Variants in VIPR2 observed in about 807,000 individuals in gnomAD.
VIPR2 encodes vasoactive intestinal peptide receptor 2.
VIPR2 carries 48 observed loss-of-function variants against 58.0 expected under a neutral mutation model. That is an observed-to-expected ratio of 0.83 (90% CI 0.66 to 1.05). The LOEUF (loss-of-function observed/expected upper bound fraction) is 1.05. VIPR2 is among the 50% of genes least tolerant of loss of function. The pLI, the probability that VIPR2 is intolerant of heterozygous loss-of-function variation, is 0.00. For synonymous variants in VIPR2, 243 were observed against 235.2 expected, an observed-to-expected ratio of 1.03 and a Z score of -0.30; for missense variants, 534 against 558.0, an observed-to-expected ratio of 0.96 and a Z score of 0.43.
In VIPR2 at chr7:159,098,306, G is replaced by A. The variant is rs915437967; in HGVS notation, c.357+5451C>T. On this transcript the variant is annotated intron_variant, in intron 4 of 12. Coordinates refer to ENST00000262178, the MANE Select transcript of VIPR2 (RefSeq NM_003382.5). This position sits in a 1 kb window ranked among gnomAD's most constrained non-coding sequence, Gnocchi z 5.2. ...GCTGGTGGTGGTGCTCGAGAACTGT[G>A]GCTTACAGTGCGGGTGGGCAAGCGG... Among the ~76,000 whole-genome samples, 7 of 152,166 alleles carry A rather than the reference G, an allele frequency of 4.6e-5. No individual in the cohort carries two copies. The highest frequency in any genetic ancestry group is 1.0e-4 in the Non-Finnish European group (7 of 68,016).
intron 4 of VIPR2, among the ~76,000 whole-genome samples, chr7:159,080,715 AC>A (rs1332103820): frequency 1.3e-5 from 2 of 152,016 alleles, no homozygotes; most frequent in African/African-American, 4.8e-5. Context: ...TATCTAGAAA[AC>A]CCCATTGTCT....
At chr7:159,139,610 T>C (rs1163224108) in intron 2 of VIPR2, among the ~76,000 whole-genome samples, 2 of 152,248 alleles carry the variant, frequency 1.3e-5, no homozygotes, top group African/African-American at 2.4e-5. Flanking sequence ...AGTTAGTTTT[T>C]AAGCCTAGCA....
At chr7:159,038,908 A>AT (rs1327733397) in intron 6 of VIPR2, among the ~76,000 whole-genome samples, 1 of 152,240 alleles carries the variant, frequency 6.6e-6, no homozygotes, top group African/African-American at 2.4e-5. Context: ...CAAATGTTTA[A>AT]TTTTTATGAC....
intron 5 of VIPR2, among the ~76,000 whole-genome samples, chr7:159,049,330 C>A (rs936294972): frequency 6.6e-6 from 1 of 152,196 alleles, no homozygotes; most frequent in Non-Finnish European, 1.5e-5. Flanking sequence ...TCAGGGTGAT[C>A]CTAAAAAGCA....
intron 2 of VIPR2, among the ~76,000 whole-genome samples, chr7:159,118,003 AAGC>A (rs1256246943): frequency 6.6e-6 from 1 of 152,112 alleles, no homozygotes; most frequent in East Asian, 1.9e-4. Context: ...GACAACAACA[AAGC>A]TTCCTCCAGA....
intron 5 of VIPR2, 21 bp downstream of exon 5, chr7:159,058,460 T>G (rs1650570885): frequency 3.1e-6 from 5 of 1,596,302 alleles, no homozygotes; most frequent in Middle Eastern, 1.6e-4. Context: ...CTTTGCAGAA[T>G]TACTAATTTC....
At chr7:159,121,332 C>A (rs1198449841) in intron 2 of VIPR2, among the ~76,000 whole-genome samples, 2 of 152,174 alleles carry the variant, frequency 1.3e-5, no homozygotes, top group Admixed American at 6.5e-5. Context: ...AGTCCTCTCC[C>A]TTCACAGGGG....
At chr7:159,134,511 T>C (rs1381505379) in intron 2 of VIPR2, among the ~76,000 whole-genome samples, 1 of 152,224 alleles carries the variant, frequency 6.6e-6, no homozygotes, top group African/African-American at 2.4e-5. Context: ...TGAGTGGGTA[T>C]ACACAGTTGT....
rs572606771 is a variant in VIPR2 at position 159,034,390 on chromosome 7, G to A, written c.880-86C>T. ...CCACCTGATTTCGACCCTCCCCTCC[G>A]CTCCCTCAGTCCCTCCCTCCTTCCC... On this transcript the variant is annotated intron_variant, in intron 9 of 12. Coordinates refer to ENST00000262178, the MANE Select transcript of VIPR2 (RefSeq NM_003382.5). 2.7e-5 allele frequency: 38 copies of A among 1,398,154 alleles called. No homozygotes were observed. The South Asian group carries it at 3.2e-4, about 12-fold the overall frequency. 86.6% of individuals were successfully genotyped at this position (1,398,154 alleles called of 1,614,324 possible). A position where few individuals can be genotyped will look rare whatever the true frequency, so the allele number is the denominator to read the frequency against.
At chr7:159,112,338 C>CA (rs1796048020) in intron 2 of VIPR2, among the ~76,000 whole-genome samples, 1 of 152,190 alleles carries the variant, frequency 6.6e-6, no homozygotes, top group African/African-American at 2.4e-5. Flanking sequence ...GCTGAGGTAG[C>CA]AGCCGGAAGT....
chr7:159,069,934 T>C (rs1269970363), intron 4 of VIPR2, among the ~76,000 whole-genome samples: 1 of 152,208 alleles, frequency 6.6e-6, no homozygotes, highest in Non-Finnish European at 1.5e-5. Context: ...TGGTGCTTTT[T>C]CCTTCTGTAG....
intron 4 of VIPR2, among the ~76,000 whole-genome samples, chr7:159,066,126 C>G (rs1856069215): frequency 6.6e-6 from 1 of 151,542 alleles, no homozygotes; most frequent in South Asian, 2.1e-4. Context: ...GATGCCTGAT[C>G]CCACGTTGTC....
At position 159,028,833 on chromosome 7, in the gene VIPR2, A is replaced by G. The variant is rs1853377418; in HGVS notation, c.*1783T>C. ...GATGGATCCTCTGCGGCCCCCAGAA[A>G]TGGTGGGTTGTTCTGTAGATCCGAC... On this transcript the variant is annotated 3_prime_UTR_variant, in exon 13 of 13. Transcript: ENST00000262178. The G allele has an allele frequency of 6.6e-6, 1 of 152,290 alleles. No individual in the cohort carries two copies. The highest frequency in any genetic ancestry group is 2.4e-5 in the African/African-American group (1 of 41,436). 9.4% of individuals were successfully genotyped at this position (152,290 alleles called of 1,614,324 possible). A position where few individuals can be genotyped will look rare whatever the true frequency, so the allele number is the denominator to read the frequency against.
chr7:159,039,655 T>C (rs1854195699), intron 6 of VIPR2, among the ~76,000 whole-genome samples: 1 of 151,340 alleles, frequency 6.6e-6, no homozygotes, highest in East Asian at 1.9e-4. Flanking sequence ...GCAACATCCC[T>C]CGCCCCTTCC....
chr7:159,089,618 TA>T, intron 4 of VIPR2, among the ~76,000 whole-genome samples: 1 of 152,382 alleles, frequency 6.6e-6, no homozygotes, highest in South Asian at 2.1e-4. Flanking sequence ...AGATGTTCAA[TA>T]CATATTAGTG....
In VIPR2 at chr7:159,084,726, G is replaced by A. The variant is rs144050132; in HGVS notation, c.357+19031C>T. Among the ~76,000 whole-genome samples the A allele has an allele frequency of 2.4e-3, 368 of 152,336 alleles. 3 individuals are homozygous for A. The highest frequency in any genetic ancestry group is 0.02 in the South Asian group (99 of 4,830). On this transcript the variant is annotated intron_variant, in intron 4 of 12. Transcript: ENST00000262178. Reference sequence around the variant, plus strand: ...GGGGGCCTCTGCCTGGTGCTGGCGCGGAGTGGGGTACAGGGAGGATTTCGG... The same window carrying A: ...GGGGGCCTCTGCCTGGTGCTGGCGCAGAGTGGGGTACAGGGAGGATTTCGG...
At chr7:159,124,568 C>T (rs771300408) in intron 2 of VIPR2, among the ~76,000 whole-genome samples, 8 of 152,214 alleles carry the variant, frequency 5.3e-5, no homozygotes, top group Admixed American at 2.0e-4. Context: ...GTTTCAGGTA[C>T]GGTAATGCGA....
chr7:159,144,846 A>G lies in VIPR2; in HGVS notation c.-75T>C. Reference sequence around the variant, plus strand: ...AGGTCCCCGCGGTTCCGCCGCCTCCAGCATGGGCCGGGAGCGAGTGCGCGG... The same window carrying G: ...AGGTCCCCGCGGTTCCGCCGCCTCCGGCATGGGCCGGGAGCGAGTGCGCGG... On this transcript the variant is annotated 5_prime_UTR_variant, in exon 1 of 13. Transcript: ENST00000262178. 8.3e-7 allele frequency: 1 copy of G among 1,211,342 alleles called. No homozygotes were observed. The allele number at this position is 1,211,342 out of a possible 1,614,324, so 75.0% of individuals were successfully genotyped here.
At chr7:159,142,362 G>A in intron 2 of VIPR2, 84 bp downstream of exon 2, 1 of 904,152 alleles carries the variant, frequency 1.1e-6, no homozygotes, top group Non-Finnish European at 1.7e-6. Flanking sequence ...AGATGCAGGT[G>A]GTGACCCTGA....
Sources: gnomAD v4.1 joint callset for allele counts (sites outside exome capture counted in the v4.1 genomes callset) on GRCh38, gnomAD v4.1.1 for gene constraint, Gnocchi (gnomAD v3.1) non-coding constraint, MANE v1.5 for transcripts, NCBI Gene and HGNC (gene_info 2026-07-23, HGNC 2026-07-21) for gene names.